GALK1: variants seen among roughly 807,000 people sequenced by gnomAD.
GALK1 encodes galactokinase.
In GALK1, 30 loss-of-function variants were observed where a neutral mutation model predicts 38.6. The ratio of observed to expected loss-of-function variants is 0.78; its 90% confidence interval spans 0.58 to 1.05. The LOEUF (loss-of-function observed/expected upper bound fraction) is 1.05, where lower values mean the gene tolerates loss of function less well. Among genes scored for constraint, GALK1 ranks in the 50% least tolerant of loss-of-function variants. The probability of loss-of-function intolerance (pLI) is 0.00; values close to 1 mark genes in which losing one functional copy is unlikely to be tolerated. For synonymous variants in GALK1, 240 were observed against 233.6 expected (o/e 1.03, Z -0.25); for missense variants, 512 against 540.5 (o/e 0.95, Z 0.52).
chr17:75,755,660 AG>A, downstream of GALK1: 1 of 1,611,260 alleles, frequency 6.2e-7, no homozygotes, highest in African/African-American at 1.3e-5. Flanking sequence ...CTGAGACCCT[AG>A]CCCCTGCATC....
intron 5 of GALK1, among the ~76,000 whole-genome samples, chr17:75,761,686 T>C (rs1035805488): frequency 7.8e-5 from 7 of 89,548 alleles, no homozygotes; most frequent in African/African-American, 1.8e-4. Flanking sequence ...TAAGATAAGA[T>C]AGGGTTCTGG....
At chr17:75,757,337 G>A (rs371796296), downstream of GALK1, 91 of 1,612,362 alleles carry the variant, frequency 5.6e-5, no homozygotes, top group Middle Eastern at 1.6e-4. Flanking sequence ...AGGGGATCCC[G>A]GCTCTCCTGG....
At chr17:75,764,748 A>G (rs750042602) in intron 1 of GALK1, 5 of 624,252 alleles carry the variant, frequency 8.0e-6, no homozygotes, top group Non-Finnish European at 1.4e-5. Context: ...GGCTTGAGCC[A>G]AGAGGCGGCC....
intron 2 of GALK1, 74 bp from the exon 3 acceptor site, chr17:75,763,513 C>T (rs184364091): frequency 1.2e-5 from 18 of 1,498,628 alleles, no homozygotes; most frequent in African/African-American, 8.3e-5. Context: ...GGTGTCCTGG[C>T]GGGAAGGGCA....
downstream of GALK1, chr17:75,755,555 C>A: frequency 9.9e-7 from 1 of 1,008,560 alleles, no homozygotes; most frequent in Non-Finnish European, 1.5e-6. Context: ...GCAGCCTGGA[C>A]AGGGTGTTGC....
chr17:75,756,246 A>T (rs1395027825), downstream of GALK1, among the ~76,000 whole-genome samples: 1 of 151,930 alleles, frequency 6.6e-6, no homozygotes. Flanking sequence ...TACAGGCTCC[A>T]CTCTTGTATA....
intron 5 of GALK1, 102 bp downstream of exon 5, chr17:75,762,602 G>A (rs2143601011): frequency 7.9e-7 from 1 of 1,260,700 alleles, no homozygotes; most frequent in East Asian, 2.3e-5. Context: ...GAGCATGGCA[G>A]AAGGCCCTGG....
At chr17:75,756,163 G>A (rs2061495943), downstream of GALK1, among the ~76,000 whole-genome samples, 1 of 152,188 alleles carries the variant, frequency 6.6e-6, no homozygotes, top group Admixed American at 6.5e-5. Flanking sequence ...ACAAGGAAGT[G>A]GCACTTCCCT....
At chr17:75,755,016 ACTCCCTGCTC>A, downstream of GALK1, 3 of 1,581,812 alleles carry the variant, frequency 1.9e-6, no homozygotes, top group Non-Finnish European at 2.6e-6. Context: ...ATGCATGCAC[ACTCCCTGCTC>A]CTCTCACTCT....
intron 5 of GALK1, among the ~76,000 whole-genome samples, chr17:75,761,740 C>G (rs369838304): frequency 6.7e-6 from 1 of 150,190 alleles, no homozygotes; most frequent in African/African-American, 2.4e-5. Context: ...AAAAAGAGAC[C>G]GGCACTATGG....
At position 75,758,112 on chromosome 17, in the gene GALK1, T is replaced by A. The variant is rs1427318985; in HGVS notation, c.1123A>T (p.Thr375Ser). Residue 375 changes from threonine (T) to serine (S), a missense_variant, in exon 8 of 8, where the codon ACT (threonine) becomes TCT (serine). Transcript: ENST00000588479. ...GCTTGAGAGAGGTAGAAGGTGGCAG[T>A]CCCGCCGTAGTGCTCCTGTAAGAGG... ...MRHIQEHYGG[T>S]ATFYLSQAAD... 6.2e-7 allele frequency: 1 copy of A among 1,610,764 alleles called. No homozygotes were observed. The highest frequency in any genetic ancestry group is 1.3e-5 in the African/African-American group (1 of 74,898).
downstream of GALK1, chr17:75,756,514 C>T (rs1366097463): frequency 6.2e-7 from 1 of 1,613,378 alleles, no homozygotes; most frequent in Admixed American, 1.7e-5. Flanking sequence ...CCTACGTGTT[C>T]CGCGTGCGGG....
At chr17:75,759,792 C>T (rs1411097071) in intron 5 of GALK1, among the ~76,000 whole-genome samples, 3 of 152,144 alleles carry the variant, frequency 2.0e-5, no homozygotes, top group Non-Finnish European at 2.9e-5. Context: ...GGAGGTCCCT[C>T]GGAGCTGTCT....
downstream of GALK1, chr17:75,756,430 T>A (rs770320453): frequency 2.5e-6 from 4 of 1,612,928 alleles, no homozygotes; most frequent in South Asian, 4.4e-5. Flanking sequence ...TCCCCCCAGG[T>A]GAGCTGCATC....
chr17:75,758,300 A>G lies in GALK1; in HGVS notation c.1017T>C (p.Tyr339=), dbSNP rs1026685248. Residue 339 remains tyrosine (Y), a synonymous_variant, in exon 7 of 8, where the codon TAT becomes TAC. Coordinates refer to ENST00000588479, the MANE Select transcript of GALK1 (RefSeq NM_000154.2). The part of the protein sequence containing the change: ...VEAALAVPGV[Y]GSRMTGGGFG... The stretch of plus-strand genomic sequence containing the variant: ...AGCCACCGCCCGTCATGCGGCTGCC[A>G]TAAACCCCAGGCACAGCAAGCGCAG... 2.5e-6 allele frequency: 4 copies of G among 1,593,678 alleles called. No individual in the cohort carries two copies. The highest frequency in any genetic ancestry group is 2.3e-5 in the East Asian group (1 of 44,016).
chr17:75,754,055 C>T, downstream of GALK1: 1 of 654,544 alleles, frequency 1.5e-6, no homozygotes, highest in Non-Finnish European at 2.2e-6. Context: ...GGCGTCTGCG[C>T]TGCCTCGGGG....
intron 5 of GALK1, 50 bp downstream of exon 5, chr17:75,762,654 C>A (rs1355347760): frequency 1.9e-6 from 3 of 1,602,236 alleles, no homozygotes; most frequent in Non-Finnish European, 2.6e-6. Flanking sequence ...ACTGAGGCGC[C>A]AGCAGGGAGC....
downstream of GALK1, chr17:75,757,870 G>A (rs571466395): frequency 2.3e-4 from 168 of 722,516 alleles, no homozygotes; most frequent in Admixed American, 1.4e-3. Context: ...CCCTAGGGTA[G>A]GGGAGCGGTT....
At chr17:75,757,331 G>A, downstream of GALK1, 1 of 1,612,680 alleles carries the variant, frequency 6.2e-7, no homozygotes, top group Non-Finnish European at 8.5e-7. Context: ...AGGGCTAGGG[G>A]ATCCCGGCTC....
Sources: allele counts gnomAD v4.1 joint callset (sites outside exome capture counted in the v4.1 genomes callset), GRCh38; gene constraint gnomAD v4.1.1; transcripts MANE v1.5; gene names NCBI Gene and HGNC (gene_info 2026-07-23, HGNC 2026-07-21).